FTSJ3: variants seen among roughly 807,000 people sequenced by gnomAD.
FTSJ3 encodes pre-rRNA 2'-O-ribose RNA methyltransferase FTSJ3.
Under a neutral mutation model 111.5 loss-of-function variants are expected in FTSJ3, and 46 were observed. The ratio of observed to expected loss-of-function variants is 0.41; its 90% CI spans 0.33 to 0.53. The LOEUF (loss-of-function observed/expected upper bound fraction) is 0.53. Ranked by LOEUF, FTSJ3 falls within the 20% of genes least tolerant of loss-of-function variation. The pLI is 0.19. For synonymous variants in FTSJ3, 408 were observed against 383.0 expected, an observed-to-expected ratio of 1.07 and a Z score of -0.76; for missense variants, 1,075 against 1,063.8, an observed-to-expected ratio of 1.01 and a Z score of -0.15.
In FTSJ3 at chr17:63,821,626, G is replaced by C. The variant is rs773000789; in HGVS notation, c.1614C>G (p.Ile538Met). The C allele has an allele frequency of 8.1e-6, 13 of 1,613,126 alleles. No homozygotes were observed. The highest frequency in any genetic ancestry group is 2.2e-5 in the South Asian group (2 of 91,058). Reference sequence around the variant, plus strand: ...CCAGGGCCTCATCGGCATCGTCCTCGATCCCAGCAAAGCTGCCCTGTGATA... The same window carrying C: ...CCAGGGCCTCATCGGCATCGTCCTCCATCCCAGCAAAGCTGCCCTGTGATA... ...LWFSKGSFAG[I>M]EDDADEALEI... The change falls in exon 16 of 21, where the codon ATC becomes ATG. Residue 538 changes from isoleucine (I) to methionine (M), a missense_variant. This residue lies in a region of FTSJ3 where 867 missense variants were observed against 796.9 expected (regional missense o/e 1.09). Transcript: ENST00000427159.
rs1834958567 is a variant in FTSJ3 at position 63,821,594 on chromosome 17, C to A, written c.1646G>T (p.Ser549Ile). 1.2e-6 allele frequency: 2 copies of A among 1,614,056 alleles called. No homozygotes were observed. The highest frequency in any genetic ancestry group is 8.5e-7 in the Non-Finnish European group (1 of 1,179,928). The change falls in exon 16 of 21, where the codon AGT becomes ATT. Residue 549 changes from serine to isoleucine, a missense_variant. By Grantham distance (142) the Ser-to-Ile change is moderately radical. Transcript: ENST00000427159. ...GTTCTCAAATAACAGCTGGGCCTGA[C>A]TGATCTCCAGGGCCTCATCGGCATC... ...EDDADEALEI[S>I]QAQLLFENRR...
chr17:63,826,064 A>C lies in FTSJ3; in HGVS notation c.292T>G (p.Cys98Gly), dbSNP rs778863367. ...TLQQDITTER[C>G]RQALRKELKT... Reference sequence around the variant, plus strand: ...AGAGAGACTCCTATTACCTGCCTACAACGTTCTGTTGTGATGTCCTGCTGG... The same window carrying C: ...AGAGAGACTCCTATTACCTGCCTACCACGTTCTGTTGTGATGTCCTGCTGG... Residue 98 changes from cysteine (C) to glycine (G), a missense_variant, in exon 5 of 21, where the codon TGT becomes GGT. Physicochemically the swap from Cys to Gly is radical, Grantham distance 159 (BLOSUM62 -3). Coordinates refer to ENST00000427159, the MANE Select transcript of FTSJ3 (RefSeq NM_017647.4). The C allele has an allele frequency of 1.2e-6, 2 of 1,611,714 alleles. No individual in the cohort carries two copies. Among genetic ancestry groups the C allele is most frequent in the Non-Finnish European group, 8.5e-7 (1 of 1,177,998 alleles).
At chr17:63,826,773 A>G (rs2040109888) in intron 2 of FTSJ3, 63 bp downstream of exon 2, 1 of 1,583,656 alleles carries the variant, frequency 6.3e-7, no homozygotes, top group Non-Finnish European at 8.7e-7. Context: ...AATGGTCGCA[A>G]AGAGCAGGCG....
In FTSJ3 at chr17:63,825,532, G is replaced by C; in HGVS notation, c.400+4C>G. 6.2e-7 allele frequency: 1 copy of C among 1,613,652 alleles called. No individual in the cohort carries two copies. The highest frequency in any genetic ancestry group is 8.5e-7 in the Non-Finnish European group (1 of 1,179,546). On this transcript the variant is annotated splice_donor_region_variant and intron_variant, in intron 6 of 20. Coordinates refer to ENST00000427159, the MANE Select transcript of FTSJ3 (RefSeq NM_017647.4). ...CTGATCTCCAAGCACCACACTCCCT[G>C]TACCTTGTGAGTAAGCATCATGGAC...
At chr17:63,824,515 C>A in intron 10 of FTSJ3, 104 bp from the exon 11 acceptor site, 1 of 1,463,058 alleles carries the variant, frequency 6.8e-7, no homozygotes, top group South Asian at 1.1e-5. Flanking sequence ...CTACATAAAT[C>A]AAAAGGCTCA....
chr17:63,827,389 C>T lies in FTSJ3; in HGVS notation c.-364G>A, dbSNP rs2040119837. ...TCTCGCCGCACACCCCGCCCATTGA[C>T]CCGGAATTCTTCTCTGCCTGGTCTT... On this transcript the variant is annotated 5_prime_UTR_variant, in exon 1 of 21. Coordinates refer to ENST00000427159, the MANE Select transcript of FTSJ3 (RefSeq NM_017647.4). The T allele has an allele frequency of 1.3e-6, 2 of 1,515,670 alleles. No homozygotes were observed. Among genetic ancestry groups the T allele is most frequent in the East Asian group, 4.9e-5 (2 of 40,676 alleles). The allele number at this position is 1,515,670 out of a possible 1,614,324, so 93.9% of individuals were successfully genotyped here. A position where few individuals can be genotyped will look rare whatever the true frequency, so the allele number is the denominator to read the frequency against.
Position 63,820,236 on chromosome 17 carries a change from T to A in FTSJ3, c.2256+19A>T. 2.6e-6 allele frequency: 2 copies of A among 764,506 alleles called. No individual in the cohort carries two copies. The highest frequency in any genetic ancestry group is 3.9e-6 in the Non-Finnish European group (2 of 518,094). 47.4% of individuals were successfully genotyped at this position (764,506 alleles called of 1,614,324 possible). ...CCCCACCCCCACCCCACCCAATCTCTGGAGGCCCCATCACTTACCCTCCTT... is the reference window on the plus strand; with the variant it reads ...CCCCACCCCCACCCCACCCAATCTCAGGAGGCCCCATCACTTACCCTCCTT... On this transcript the variant is annotated intron_variant, in intron 19 of 20. Transcript: ENST00000427159.
In FTSJ3 at chr17:63,820,980, C is replaced by A. The variant is rs377649318; in HGVS notation, c.1973-42G>T. 6 of 1,609,992 alleles carry A rather than the reference C, an allele frequency of 3.7e-6. No homozygotes were observed. In the African/African-American group the frequency reaches 8.0e-5, roughly 22 times the overall value. ...AAAGGTCAAAGCTCAATTCCCAATA[C>A]TGAGACTTCCAGTGGTCTTTTCTCA... On this transcript the variant is annotated intron_variant, in intron 17 of 20. Transcript: ENST00000427159.
Position 63,824,339 on chromosome 17 carries a change from C to T in FTSJ3, c.990G>A (p.Leu330=). ...AKKLKEQAKA[L]DISLSSGEED... ...CTGCGTTCTCTCCTCACCTGATGTC[C>T]AGTGCCTTTGCTTGTTCTTTCAGCT... Residue 330 remains leucine, a synonymous_variant, in exon 11 of 21, where the codon CTG becomes CTA. Transcript: ENST00000427159. 2 of 1,614,234 alleles carry T rather than the reference C, an allele frequency of 1.2e-6. No individual in the cohort carries two copies. The highest frequency in any genetic ancestry group is 1.7e-6 in the Non-Finnish European group (2 of 1,180,036).
chr17:63,827,037 CT>C lies in FTSJ3; in HGVS notation c.-27+14del. ...CCCGCAGCAATTCCACCCCGCGCCCCTCTCCGCACACTACCTAGACCCAGAG... is the reference window on the plus strand; with the variant it reads ...CCCGCAGCAATTCCACCCCGCGCCCCCTCCGCACACTACCTAGACCCAGAG... On this transcript the variant is annotated intron_variant, in intron 1 of 20. Coordinates refer to ENST00000427159, the MANE Select transcript of FTSJ3 (RefSeq NM_017647.4). 1.2e-6 allele frequency: 1 copy of C among 808,230 alleles called. No homozygotes were observed. The highest frequency in any genetic ancestry group is 2.1e-6 in the Non-Finnish European group (1 of 476,216). 50.1% of individuals were successfully genotyped at this position (808,230 alleles called of 1,614,324 possible). A position where few individuals can be genotyped will look rare whatever the true frequency, so the allele number is the denominator to read the frequency against.
At chr17:63,820,202 T>TGGGGGTGG in intron 19 of FTSJ3, 29 bp from the exon 20 acceptor site, 2 of 1,593,204 alleles carry the variant, frequency 1.3e-6, no homozygotes, top group Non-Finnish European at 1.7e-6. Context: ...GGTGACCTCT[T>TGGGGGTGG]CCCCATCCCC....
rs573723572 is a variant in FTSJ3 at position 63,825,621 on chromosome 17, C to G, written c.315G>C (p.Glu105Asp). Residue 105 changes from glutamate (E) to aspartate (D), a missense_variant, in exon 6 of 21, where the codon GAG (glutamate) becomes GAC (aspartate). Coordinates refer to ENST00000427159, the MANE Select transcript of FTSJ3 (RefSeq NM_017647.4). ...CAACATCAACCTTCCAGGTCTTCAG[C>G]TCCTTCCTCAGGGCCTAAAGAGAAG... Reference protein sequence around the residue: ...TERCRQALRKELKTWKVDVVL... With the variant: ...TERCRQALRKDLKTWKVDVVL... The G allele has an allele frequency of 6.2e-7, 1 of 1,614,024 alleles. No individual in the cohort carries two copies. The highest frequency in any genetic ancestry group is 1.7e-5 in the Admixed American group (1 of 60,036).
chr17:63,820,207 A>ACAC, intron 19 of FTSJ3, 34 bp from the exon 20 acceptor site: 1 of 310,964 alleles, frequency 3.2e-6, no homozygotes, highest in Non-Finnish European at 5.6e-6. Flanking sequence ...CCTCTTCCCC[A>ACAC]TCCCCCCACC....
Position 63,823,908 on chromosome 17 carries a change from C to G in FTSJ3, c.1199G>C (p.Arg400Pro), listed in dbSNP as rs370870170. ...AGGCAGATCCATCTTCAGCTCCACACGCTCCCGCTGCTTTCTCTGCTCACG... is the reference window on the plus strand; with the variant it reads ...AGGCAGATCCATCTTCAGCTCCACAGGCTCCCGCTGCTTTCTCTGCTCACG... ...LLREQRKQRE[R>P]VELKMDLPGV... The change falls in exon 13 of 21, where the codon CGT becomes CCT. Residue 400 changes from arginine (R) to proline (P), a missense_variant. Arg to Pro is a moderately radical substitution (Grantham distance 103). Transcript: ENST00000427159. 1.2e-6 allele frequency: 2 copies of G among 1,614,206 alleles called. No individual in the cohort carries two copies. The highest frequency in any genetic ancestry group is 1.7e-6 in the Non-Finnish European group (2 of 1,180,042).
chr17:63,825,194 GC>G, intron 7 of FTSJ3, 31 bp from the exon 8 acceptor site: 1 of 1,613,586 alleles, frequency 6.2e-7, no homozygotes, highest in Non-Finnish European at 8.5e-7. Flanking sequence ...TAAAAAGTGT[GC>G]TTTGGGAGTT....
At position 63,826,370 on chromosome 17, in the gene FTSJ3, T is replaced by C. The variant is rs878921862; in HGVS notation, c.174-66A>G. ...TTTCCCCCTCTTGGCAACTGATCTCTCATCCCTGGTGTTACGTGTACTGGC... is the reference window on the plus strand; with the variant it reads ...TTTCCCCCTCTTGGCAACTGATCTCCCATCCCTGGTGTTACGTGTACTGGC... On this transcript the variant is annotated intron_variant, in intron 3 of 20. Transcript: ENST00000427159. The C allele has an allele frequency of 2.7e-6, 4 of 1,469,144 alleles. No homozygotes were observed. The South Asian group carries it at 4.5e-5, about 17-fold the overall frequency. 91.0% of individuals were successfully genotyped at this position (1,469,144 alleles called of 1,614,324 possible). A position where few individuals can be genotyped will look rare whatever the true frequency, so the allele number is the denominator to read the frequency against.
In FTSJ3 at chr17:63,825,680, G is replaced by A. The variant is rs1245808816; in HGVS notation, c.301-45C>T. 3 of 1,538,800 alleles carry A rather than the reference G, an allele frequency of 1.9e-6. No homozygotes were observed. The African/African-American group carries it at 4.1e-5, about 21-fold the overall frequency. ...CTATGGAAACAGAAACACTGGAATG[G>A]CCCTGGTTCAGCCATTTGTCCATCT... On this transcript the variant is annotated intron_variant, in intron 5 of 20. Coordinates refer to ENST00000427159, the MANE Select transcript of FTSJ3 (RefSeq NM_017647.4).
intron 7 of FTSJ3, 32 bp downstream of exon 7, chr17:63,825,210 G>C: frequency 6.2e-7 from 1 of 1,613,678 alleles, no homozygotes; most frequent in Non-Finnish European, 8.5e-7. Context: ...GGAGTTGGGA[G>C]CCTGGATCAA....
At chr17:63,825,798 G>A in intron 5 of FTSJ3, 163 bp from the exon 6 acceptor site, 1 of 655,004 alleles carries the variant, frequency 1.5e-6, no homozygotes, top group Non-Finnish European at 2.6e-6. Context: ...TACCTTCATG[G>A]AGATTACAGT....
Sources: allele counts gnomAD v4.1 joint callset, GRCh38; gene constraint gnomAD v4.1.1; regional missense constraint gnomAD v4.1.1; transcripts MANE v1.5; gene names NCBI Gene and HGNC (gene_info 2026-07-23, HGNC 2026-07-21).